The following CNTNAP2 variants were observed in gnomAD, a reference collection of about 807,000 sequenced individuals.
CNTNAP2 encodes the protein contactin-associated protein-like 2.
Under a neutral mutation model 155.2 loss-of-function variants are expected in CNTNAP2, and 98 were observed. The ratio of observed to expected loss-of-function variants is 0.63; its 90% CI spans 0.54 to 0.75. CNTNAP2 has a LOEUF of 0.75. Among genes scored for constraint, CNTNAP2 ranks in the 30% least tolerant of loss-of-function variants. The pLI, the probability that CNTNAP2 is intolerant of heterozygous loss-of-function variation, is 0.00. For missense variants in CNTNAP2, 1,727 were observed against 1,688.1 expected, an observed-to-expected ratio of 1.02 and a Z score of -0.40; for synonymous variants, 651 against 631.2, an observed-to-expected ratio of 1.03 and a Z score of -0.47.
At chr7:147,548,597 G>A (rs148251141) in intron 11 of CNTNAP2, among the ~76,000 whole-genome samples, 29 of 152,186 alleles carry the variant, frequency 1.9e-4, no homozygotes, top group East Asian at 1.5e-3. Context: ...CTGTGCAGAC[G>A]CTCTTCAGTT....
intron 9 of CNTNAP2, among the ~76,000 whole-genome samples, chr7:147,322,028 G>C (rs1795360994): frequency 6.6e-6 from 1 of 152,158 alleles, no homozygotes; most frequent in African/African-American, 2.4e-5. Flanking sequence ...CAGGAAGCTA[G>C]GCTTTTTCCA....
rs987074977 is a variant in CNTNAP2 at position 148,194,607 on chromosome 7, G to T, written c.3010+22129G>T. On this transcript the variant is annotated intron_variant, in intron 18 of 23. Transcript: ENST00000361727. ...ATCTGTGAGCTGGAGGCCCAGGAAAGCCCATGGTGTAATTCAGTCTGAGTC... is the reference window on the plus strand; with the variant it reads ...ATCTGTGAGCTGGAGGCCCAGGAAATCCCATGGTGTAATTCAGTCTGAGTC... Among the ~76,000 whole-genome samples, 3 of 152,106 alleles carry T rather than the reference G, an allele frequency of 2.0e-5. No homozygotes were observed. In the South Asian group the frequency reaches 6.2e-4, roughly 32 times the overall value.
At chr7:146,124,592 T>G (rs1049576451) in intron 1 of CNTNAP2, among the ~76,000 whole-genome samples, 2 of 152,230 alleles carry the variant, frequency 1.3e-5, no homozygotes, top group Non-Finnish European at 2.9e-5. Context: ...ATTACTTAAT[T>G]GCTAATAAAT....
intron 1 of CNTNAP2, among the ~76,000 whole-genome samples, chr7:146,269,123 C>T (rs576618594): frequency 1.1e-4 from 17 of 152,194 alleles, no homozygotes; most frequent in Admixed American, 5.9e-4. Context: ...GGGCAGGTCA[C>T]GAGGTCAGGA....
At chr7:146,750,286 C>T (rs1801881276) in intron 1 of CNTNAP2, among the ~76,000 whole-genome samples, 1 of 152,144 alleles carries the variant, frequency 6.6e-6, no homozygotes, top group Non-Finnish European at 1.5e-5. Flanking sequence ...CCACCCCTAC[C>T]TCACCCTCCT....
At position 146,772,824 on chromosome 7, in the gene CNTNAP2, G is replaced by A. The variant is rs531601606; in HGVS notation, c.98-1447G>A. Among the ~76,000 whole-genome samples the A allele has an allele frequency of 1.4e-4, 22 of 152,314 alleles. No homozygotes were observed. In the South Asian group the frequency reaches 2.1e-3, roughly 14 times the overall value. On this transcript the variant is annotated intron_variant, in intron 1 of 23. Coordinates refer to ENST00000361727, the MANE Select transcript of CNTNAP2 (RefSeq NM_014141.6). ...TTGGGCAGGGGTACTTTGAACAGTA[G>A]GCCAAGTTGAGAGCAGGAGCCAGAG...
chr7:147,400,912 G>C (rs1796901620), intron 10 of CNTNAP2, among the ~76,000 whole-genome samples: 1 of 152,122 alleles, frequency 6.6e-6, no homozygotes, highest in African/African-American at 2.4e-5. Flanking sequence ...AAAAGCACCT[G>C]CCCTTTCCCT....
intron 4 of CNTNAP2, among the ~76,000 whole-genome samples, chr7:147,088,393 T>C (rs1464303345): frequency 6.6e-6 from 1 of 152,214 alleles, no homozygotes; most frequent in African/African-American, 2.4e-5. Flanking sequence ...GAACAAAAAA[T>C]AGATGTTTTA....
intron 3 of CNTNAP2, among the ~76,000 whole-genome samples, chr7:146,961,821 A>C (rs1325407779): frequency 6.6e-6 from 1 of 152,158 alleles, no homozygotes; most frequent in Non-Finnish European, 1.5e-5. Flanking sequence ...CCATCTGAAA[A>C]TGAAAAATGA....
At chr7:146,995,737 A>C (rs1798296205) in intron 3 of CNTNAP2, among the ~76,000 whole-genome samples, 1 of 152,046 alleles carries the variant, frequency 6.6e-6, no homozygotes, top group South Asian at 2.1e-4. Context: ...TTTAACCTAC[A>C]TTTATCATAA....
intron 10 of CNTNAP2, among the ~76,000 whole-genome samples, chr7:147,416,799 A>G (rs1797200407): frequency 6.6e-6 from 1 of 152,126 alleles, no homozygotes; most frequent in Non-Finnish European, 1.5e-5. Context: ...TCTGCATAAG[A>G]TTTAATTTTA....
chr7:146,134,642 G>A (rs1174961324), intron 1 of CNTNAP2, among the ~76,000 whole-genome samples: 1 of 150,254 alleles, frequency 6.7e-6, no homozygotes, highest in Non-Finnish European at 1.5e-5. Context: ...TTTTGTCAAA[G>A]GCCTTTTCTG....
intron 1 of CNTNAP2, among the ~76,000 whole-genome samples, chr7:146,374,533 T>C (rs1321608102): frequency 1.3e-5 from 2 of 152,226 alleles, no homozygotes; most frequent in Non-Finnish European, 2.9e-5. Context: ...GGAAAGAGCC[T>C]GTTCTTAGTA....
At chr7:147,242,635 T>C (rs1803962927) in intron 8 of CNTNAP2, among the ~76,000 whole-genome samples, 1 of 152,200 alleles carries the variant, frequency 6.6e-6, no homozygotes, top group African/African-American at 2.4e-5. Context: ...GTTTTCCTTA[T>C]CGCTCTTTTG....
chr7:148,163,775 T>C (rs1244510546), intron 17 of CNTNAP2, among the ~76,000 whole-genome samples: 2 of 152,212 alleles, frequency 1.3e-5, no homozygotes, highest in East Asian at 3.8e-4. Flanking sequence ...TACTGATCAA[T>C]ACTTGTCAAT....
intron 1 of CNTNAP2, among the ~76,000 whole-genome samples, chr7:146,684,000 G>A (rs1162807163): frequency 6.6e-6 from 1 of 152,116 alleles, no homozygotes; most frequent in Non-Finnish European, 1.5e-5. Flanking sequence ...CTCACCTTCT[G>A]GTTCAAAAAT....
intron 13 of CNTNAP2, chr7:147,894,267 T>C (rs560366787): frequency 6.6e-6 from 1 of 152,278 alleles, no homozygotes; most frequent in South Asian, 2.1e-4. Flanking sequence ...TGTAATCAGA[T>C]CAGAGTGCTC....
intron 1 of CNTNAP2, among the ~76,000 whole-genome samples, chr7:146,704,861 A>G (rs1800936794): frequency 6.6e-6 from 1 of 152,172 alleles, no homozygotes; most frequent in Non-Finnish European, 1.5e-5. Context: ...GCAAGACCCA[A>G]GCATACCTAT....
At chr7:146,530,651 T>C (rs1338604489) in intron 1 of CNTNAP2, among the ~76,000 whole-genome samples, 1 of 152,046 alleles carries the variant, frequency 6.6e-6, no homozygotes. Flanking sequence ...ATTAAAGAAA[T>C]GCAAATCAAA....
Sources: allele counts gnomAD v4.1 joint callset (sites outside exome capture counted in the v4.1 genomes callset), GRCh38; gene constraint gnomAD v4.1.1; transcripts MANE v1.5; gene names NCBI Gene and HGNC (gene_info 2026-07-23, HGNC 2026-07-21).